GRM8: variants seen among roughly 807,000 people sequenced by gnomAD.
GRM8 encodes the protein glutamate metabotropic receptor 8.
GRM8 carries 47 observed loss-of-function variants against 87.2 expected under a neutral mutation model. The ratio of observed to expected loss-of-function variants is 0.54; its 90% CI spans 0.43 to 0.69. The LOEUF (loss-of-function observed/expected upper bound fraction) is 0.69. Among genes scored for constraint, GRM8 ranks in the 30% least tolerant of loss-of-function variants. The pLI, the probability that GRM8 is intolerant of heterozygous loss-of-function variation, is 0.00. For synonymous variants in GRM8, 396 were observed against 404.5 expected, an observed-to-expected ratio of 0.98 and a Z score of 0.25; for missense variants, 1,019 against 1,139.2, an observed-to-expected ratio of 0.89 and a Z score of 1.52.
intron 7 of GRM8, among the ~76,000 whole-genome samples, chr7:126,640,289 T>C (rs1234513799): frequency 1.3e-5 from 2 of 152,194 alleles, no homozygotes; most frequent in Non-Finnish European, 2.9e-5. Context: ...ATATTTATGA[T>C]TGTCATTGGA....
At chr7:126,613,009 C>A (rs1461558073) in intron 7 of GRM8, among the ~76,000 whole-genome samples, 1 of 152,112 alleles carries the variant, frequency 6.6e-6, no homozygotes, top group East Asian at 1.9e-4. Context: ...TACTGATGAC[C>A]CTTGCATCTT....
In GRM8 at chr7:126,574,160, G is replaced by A. The variant is rs150037923; in HGVS notation, c.1494+35202C>T. 1.7e-4 allele frequency among the ~76,000 whole-genome samples: 26 copies of A among 152,314 alleles called. No individual in the cohort carries two copies. The East Asian group carries it at 4.4e-3, about 26-fold the overall frequency. On this transcript the variant is annotated intron_variant, in intron 8 of 10. Transcript: ENST00000339582. ...GTTACCATCACCCACCTACCCTGGAGAAGAAATGCACATTTCTGGCTTCAG... is the reference window on the plus strand; with the variant it reads ...GTTACCATCACCCACCTACCCTGGAAAAGAAATGCACATTTCTGGCTTCAG...
intron 3 of GRM8, among the ~76,000 whole-genome samples, chr7:126,905,631 A>G (rs1454652814): frequency 1.3e-5 from 2 of 152,204 alleles, no homozygotes; most frequent in South Asian, 2.1e-4. Flanking sequence ...CAGTCATCCA[A>G]CTGTTATTGG....
At chr7:126,808,261 C>A (rs1792961636) in intron 6 of GRM8, among the ~76,000 whole-genome samples, 1 of 152,116 alleles carries the variant, frequency 6.6e-6, no homozygotes, top group Non-Finnish European at 1.5e-5. Flanking sequence ...ACTTAAGAGA[C>A]CTGCAGATCA....
chr7:126,892,405 C>T (rs1003785367), intron 6 of GRM8, among the ~76,000 whole-genome samples: 1 of 152,048 alleles, frequency 6.6e-6, no homozygotes. Flanking sequence ...TTTGTTCCTG[C>T]AATAGTTTAC....
chr7:127,197,843 G>C (rs1235215277), intron 2 of GRM8, among the ~76,000 whole-genome samples: 2 of 152,130 alleles, frequency 1.3e-5, no homozygotes, highest in Admixed American at 6.6e-5. Context: ...GTGGGCAAAG[G>C]AAACACTCAT....
chr7:126,510,754 T>C (rs924430521), intron 9 of GRM8, among the ~76,000 whole-genome samples: 7 of 103,110 alleles, frequency 6.8e-5, no homozygotes, highest in African/African-American at 1.9e-4. Flanking sequence ...TTTTAGTGAG[T>C]AATTGGACTC....
In GRM8 at chr7:126,930,837, C is replaced by T. The variant is rs767691487; in HGVS notation, c.728-26154G>A. Among the ~76,000 whole-genome samples the T allele has an allele frequency of 7.2e-5, 11 of 152,258 alleles. No homozygotes were observed. The East Asian group carries it at 7.7e-4, about 11-fold the overall frequency. On this transcript the variant is annotated intron_variant, in intron 3 of 10. Coordinates refer to ENST00000339582, the MANE Select transcript of GRM8 (RefSeq NM_000845.3). Reference sequence around the variant, plus strand: ...CTGAGGTGTATTTTGTATTCATAATCCTTGCTCTTTGCTATGCCCTGGCCT... The same window carrying T: ...CTGAGGTGTATTTTGTATTCATAATTCTTGCTCTTTGCTATGCCCTGGCCT...
At chr7:127,048,314 T>A (rs903848101) in intron 3 of GRM8, among the ~76,000 whole-genome samples, 1 of 152,130 alleles carries the variant, frequency 6.6e-6, no homozygotes, top group African/African-American at 2.4e-5. Context: ...GAGATTGGGA[T>A]AGCTGGGACA....
chr7:126,754,325 C>G (rs529194937), intron 7 of GRM8, among the ~76,000 whole-genome samples: 1 of 151,876 alleles, frequency 6.6e-6, no homozygotes, highest in East Asian at 1.9e-4. Context: ...CAGTATCATG[C>G]CTAAATTATG....
Position 126,920,391 on chromosome 7 carries a change from G to A in GRM8, c.728-15708C>T, listed in dbSNP as rs1476622255. Reference sequence around the variant, plus strand: ...TTGTCTACTATAAAAAAAAAGAGGGGAAAAGAGGAGAGAAATGTCACCAAT... The same window carrying A: ...TTGTCTACTATAAAAAAAAAGAGGGAAAAAGAGGAGAGAAATGTCACCAAT... On this transcript the variant is annotated intron_variant, in intron 3 of 10. Transcript: ENST00000339582. 4.6e-5 allele frequency among the ~76,000 whole-genome samples: 7 copies of A among 152,138 alleles called. No homozygotes were observed. In the East Asian group the frequency reaches 1.2e-3, roughly 25 times the overall value.
chr7:126,515,202 T>C (rs1332292444), intron 9 of GRM8, among the ~76,000 whole-genome samples: 1 of 152,146 alleles, frequency 6.6e-6, no homozygotes, highest in Non-Finnish European at 1.5e-5. Context: ...TTCAAAGTTA[T>C]ATATCTTCAT....
intron 7 of GRM8, among the ~76,000 whole-genome samples, chr7:126,679,235 T>C (rs1807291707): frequency 6.6e-6 from 1 of 152,254 alleles, no homozygotes; most frequent in African/African-American, 2.4e-5. Flanking sequence ...GCAGTTCATT[T>C]TTACATGTCT....
At chr7:126,929,313 C>T (rs1436107891) in intron 3 of GRM8, among the ~76,000 whole-genome samples, 2 of 152,216 alleles carry the variant, frequency 1.3e-5, no homozygotes, top group East Asian at 1.9e-4. Flanking sequence ...TCTGCTATGA[C>T]GACCACATTC....
intron 3 of GRM8, among the ~76,000 whole-genome samples, chr7:126,937,668 TAAC>T (rs759799075): frequency 1.3e-5 from 2 of 152,178 alleles, no homozygotes; most frequent in Admixed American, 6.5e-5. Flanking sequence ...AGAAATGTAA[TAAC>T]AACAACAACA....
chr7:126,900,459 C>T (rs183369410), intron 6 of GRM8, among the ~76,000 whole-genome samples: 38 of 151,440 alleles, frequency 2.5e-4, no homozygotes, highest in Non-Finnish European at 4.9e-4. Context: ...CGTACCAAAG[C>T]GTCTGTCCTG....
chr7:127,058,317 C>T lies in GRM8; in HGVS notation c.727+48179G>A, dbSNP rs1650902369. 1.5e-4 allele frequency: 49 copies of T among 323,752 alleles called. 1 individual carries two copies. Among genetic ancestry groups the T allele is most frequent in the South Asian group, 1.2e-3 (49 of 41,936 alleles). 20.1% of individuals were successfully genotyped at this position (323,752 alleles called of 1,614,324 possible). ...AGAACAGCAACTGGACAAATCATTTCCTGGTCTATTAAAACTTCCTAGATC... is the reference window on the plus strand; with the variant it reads ...AGAACAGCAACTGGACAAATCATTTTCTGGTCTATTAAAACTTCCTAGATC... On this transcript the variant is annotated intron_variant, in intron 3 of 10. Coordinates refer to ENST00000339582, the MANE Select transcript of GRM8 (RefSeq NM_000845.3).
intron 2 of GRM8, among the ~76,000 whole-genome samples, chr7:127,203,786 G>A (rs1264517252): frequency 6.6e-6 from 1 of 151,604 alleles, no homozygotes. Context: ...AGGGGGGTGA[G>A]GCGGTGGGGG....
At chr7:127,223,098 C>T (rs1043156146) in intron 2 of GRM8, among the ~76,000 whole-genome samples, 6 of 152,110 alleles carry the variant, frequency 3.9e-5, no homozygotes, top group Non-Finnish European at 8.8e-5. Flanking sequence ...CCCTGTTTCT[C>T]CCATAAGTCT....
Sources: gnomAD v4.1 joint callset for allele counts (sites outside exome capture counted in the v4.1 genomes callset) on GRCh38, gnomAD v4.1.1 for gene constraint, MANE v1.5 for transcripts, NCBI Gene and HGNC (gene_info 2026-07-23, HGNC 2026-07-21) for gene names.